Variants in INSR observed in about 807,000 individuals in gnomAD.
The protein encoded by INSR is IR.
Under a neutral mutation model 142.6 loss-of-function variants are expected in INSR, and 67 were observed. The ratio of observed to expected loss-of-function variants is 0.47; its 90% confidence interval spans 0.39 to 0.58. INSR has a LOEUF of 0.58. Ranked by LOEUF, INSR falls within the 20% of genes least tolerant of loss-of-function variation. The pLI is 0.00. For synonymous variants in INSR, 756 were observed against 743.1 expected, an observed-to-expected ratio of 1.02 and a Z score of -0.28; for missense variants, 1,248 against 1,833.2, an observed-to-expected ratio of 0.68 and a Z score of 5.83.
chr19:7,133,756 G>A (rs914961824), intron 13 of INSR, among the ~76,000 whole-genome samples: 1 of 152,196 alleles, frequency 6.6e-6, no homozygotes, highest in South Asian at 2.1e-4. Flanking sequence ...CCAGCTACTT[G>A]GAGGGTGAGA....
chr19:7,239,546 T>G (rs927817921), intron 2 of INSR, among the ~76,000 whole-genome samples: 2 of 152,116 alleles, frequency 1.3e-5, no homozygotes, highest in African/African-American at 4.8e-5. Context: ...GAGTATATAC[T>G]AGATCTAAAA....
intron 2 of INSR, among the ~76,000 whole-genome samples, chr19:7,237,929 C>G (rs1250254424): frequency 6.6e-6 from 1 of 151,960 alleles, no homozygotes; most frequent in Admixed American, 6.6e-5. Flanking sequence ...GAACTAATAT[C>G]CTCTCATCCC....
intron 14 of INSR, among the ~76,000 whole-genome samples, chr19:7,131,432 G>A (rs537836459): frequency 6.6e-6 from 1 of 151,586 alleles, no homozygotes; most frequent in African/African-American, 2.4e-5. Flanking sequence ...TGCAAGCTCT[G>A]CTTCCCGGGT....
intron 2 of INSR, among the ~76,000 whole-genome samples, chr19:7,244,873 T>C (rs10408844): frequency 0.28 from 41,818 of 151,408 alleles, 7,353 homozygotes; most frequent in African/African-American, 0.5. Context: ...AAATGGGTTA[T>C]GTTTTTAATT....
intron 9 of INSR, 83 bp from the exon 10 acceptor site, chr19:7,153,010 A>AC (rs1973422127): frequency 5.0e-6 from 3 of 601,448 alleles, no homozygotes; most frequent in African/African-American, 9.5e-5. Context: ...ACACACACAC[A>AC]CACCACACAC....
At chr19:7,162,712 C>T (rs1018444819) in intron 9 of INSR, among the ~76,000 whole-genome samples, 5 of 151,594 alleles carry the variant, frequency 3.3e-5, no homozygotes, top group African/African-American at 4.9e-5. Flanking sequence ...CCCAGCTACT[C>T]GGGAGGCTGA....
chr19:7,289,335 G>C (rs1968427743), intron 1 of INSR, among the ~76,000 whole-genome samples: 1 of 152,094 alleles, frequency 6.6e-6, no homozygotes. Flanking sequence ...GTAGGTAATG[G>C]GGATTGGGGG....
intron 2 of INSR, among the ~76,000 whole-genome samples, chr19:7,189,117 T>C (rs1283318493): frequency 6.6e-6 from 1 of 152,002 alleles, no homozygotes; most frequent in Non-Finnish European, 1.5e-5. Flanking sequence ...AAGGAAGCAA[T>C]ATACAAGGCA....
chr19:7,178,263 T>C (rs1399532322), intron 3 of INSR, among the ~76,000 whole-genome samples: 4 of 90,486 alleles, frequency 4.4e-5, no homozygotes, highest in Non-Finnish European at 8.4e-5. Context: ...GGTGCCTAGA[T>C]AACATGAGGG....
intron 2 of INSR, among the ~76,000 whole-genome samples, chr19:7,229,332 A>ATGGATAGATGGATGGATGGATGGATG (rs1568204425): frequency 6.1e-5 from 5 of 81,902 alleles, no homozygotes; most frequent in African/African-American, 2.2e-4. Context: ...ATGGATGGAT[A>ATGGATAGATGGATGGATGGATGGATG]GATGGATGGA....
rs759712918 is a variant in INSR, at chr19:7,128,849, C to T, written c.2945+3G>A. ...AGCACACCACTGAACTCACTGAACT[C>T]ACCTCTTTCTCAGGAATAGATAAAT... On this transcript the variant is annotated splice_donor_region_variant and intron_variant, in intron 15 of 21. Coordinates refer to ENST00000302850, the MANE Select transcript of INSR (RefSeq NM_000208.4). The T allele has an allele frequency of 1.9e-6, 3 of 1,603,622 alleles. No individual in the cohort carries two copies. The highest frequency in any genetic ancestry group is 2.6e-6 in the Non-Finnish European group (3 of 1,170,564).
chr19:7,149,401 G>A (rs1973265628), intron 11 of INSR, among the ~76,000 whole-genome samples: 1 of 152,150 alleles, frequency 6.6e-6, no homozygotes, highest in Non-Finnish European at 1.5e-5. Context: ...TGCCTCTTTA[G>A]TCTCACCTCC....
chr19:7,135,459 GCGTGT>G (rs1185070545), intron 13 of INSR, among the ~76,000 whole-genome samples: 1 of 149,610 alleles, frequency 6.7e-6, no homozygotes, highest in Non-Finnish European at 1.5e-5. Flanking sequence ...GGGATTATAG[GCGTGT>G]GCCACAAAGC....
intron 13 of INSR, among the ~76,000 whole-genome samples, chr19:7,133,248 C>T (rs759685116): frequency 1.4e-4 from 22 of 152,148 alleles, no homozygotes; most frequent in Non-Finnish European, 2.8e-4. Flanking sequence ...GGTGACAGAG[C>T]TAGACCCTGT....
rs901009573 is a variant in INSR at position 7,216,237 on chromosome 19, T to G, written c.653-31600A>C. On this transcript the variant is annotated intron_variant, in intron 2 of 21. Coordinates refer to ENST00000302850, the MANE Select transcript of INSR (RefSeq NM_000208.4). The surrounding 1 kb of genome is among the most constrained non-coding windows in gnomAD (Gnocchi z 4.2). Reference sequence around the variant, plus strand: ...TACTTGGGAGGCTGAGTCAAGAGAATTGCTTAAACCCAGGAGGCAGAGGTT... The same window carrying G: ...TACTTGGGAGGCTGAGTCAAGAGAAGTGCTTAAACCCAGGAGGCAGAGGTT... Among the ~76,000 whole-genome samples, 2 of 152,136 alleles carry G rather than the reference T, an allele frequency of 1.3e-5. No individual in the cohort carries two copies. The highest frequency in any genetic ancestry group is 4.8e-5 in the African/African-American group (2 of 41,430).
intron 13 of INSR, among the ~76,000 whole-genome samples, chr19:7,140,329 G>T (rs78958929): frequency 0.018 from 2,809 of 152,258 alleles, 50 homozygotes; most frequent in African/African-American, 0.044. Flanking sequence ...GGTCCACCAC[G>T]TGTTTTTGTA....
intron 1 of INSR, among the ~76,000 whole-genome samples, chr19:7,288,779 G>A (rs8112793): frequency 0.15 from 22,971 of 151,356 alleles, 1,921 homozygotes; most frequent in East Asian, 0.27. Context: ...CCTGGCCAAT[G>A]GGGTGAAACT....
At chr19:7,171,756 C>T (rs1443105043) in intron 5 of INSR, among the ~76,000 whole-genome samples, 1 of 152,114 alleles carries the variant, frequency 6.6e-6, no homozygotes. Flanking sequence ...TTTTGTTTCT[C>T]AAGAATGACT....
intron 2 of INSR, among the ~76,000 whole-genome samples, chr19:7,204,819 G>C (rs532786818): frequency 2.0e-5 from 3 of 152,204 alleles, no homozygotes; most frequent in Non-Finnish European, 4.4e-5. Context: ...AGTGGCTCAC[G>C]CCTGTAATCC....
Sources: gnomAD v4.1 joint callset for allele counts (sites outside exome capture counted in the v4.1 genomes callset) on GRCh38, gnomAD v4.1.1 for gene constraint, Gnocchi (gnomAD v3.1) non-coding constraint, MANE v1.5 for transcripts, NCBI Gene and HGNC (gene_info 2026-07-23, HGNC 2026-07-21) for gene names.